Variants in DENND6A observed in about 807,000 individuals in gnomAD.
DENND6A encodes the protein DENN domain containing 6A.
Under a neutral mutation model 95.5 loss-of-function variants are expected in DENND6A, and 43 were observed. That is an observed-to-expected ratio of 0.45 (90% CI 0.35 to 0.58). The LOEUF is 0.58. Ranked by LOEUF, DENND6A falls within the 20% of genes least tolerant of loss-of-function variation. DENND6A has a pLI of 0.00. For synonymous variants in DENND6A, 257 were observed against 260.4 expected (o/e 0.99, Z 0.13); for missense variants, 574 against 736.0 (o/e 0.78, Z 2.55).
intron 1 of DENND6A, among the ~76,000 whole-genome samples, chr3:57,672,804 A>C (rs1358636971): frequency 6.6e-6 from 1 of 151,862 alleles, no homozygotes; most frequent in Non-Finnish European, 1.5e-5. Context: ...ACAAACAAAA[A>C]AATATATATA....
At chr3:57,636,711 TG>T (rs2070801161) in intron 12 of DENND6A, among the ~76,000 whole-genome samples, 1 of 151,556 alleles carries the variant, frequency 6.6e-6, no homozygotes, top group Non-Finnish European at 1.5e-5. Context: ...CTGAGGCGGG[TG>T]GATCACCTGA....
intron 15 of DENND6A, among the ~76,000 whole-genome samples, chr3:57,633,064 G>A (rs928309157): frequency 6.6e-6 from 1 of 152,202 alleles, no homozygotes; most frequent in African/African-American, 2.4e-5. Context: ...GGGTCAGAGA[G>A]AGGGAGTGAC....
chr3:57,661,920 CA>C (rs2071429844), intron 5 of DENND6A, among the ~76,000 whole-genome samples: 1 of 152,022 alleles, frequency 6.6e-6, no homozygotes, highest in Non-Finnish European at 1.5e-5. Flanking sequence ...GATACTTTTC[CA>C]AAAGACTTAT....
chr3:57,687,122 GC>G (rs1467944782), intron 1 of DENND6A, among the ~76,000 whole-genome samples: 4 of 152,060 alleles, frequency 2.6e-5, no homozygotes, highest in Admixed American at 2.6e-4. Flanking sequence ...GCCTCCCAAA[GC>G]GCTGAGAATA....
At chr3:57,644,723 G>A (rs1288130091) in intron 11 of DENND6A, among the ~76,000 whole-genome samples, 1 of 23,898 alleles carries the variant, frequency 4.2e-5, no homozygotes, top group Non-Finnish European at 7.6e-5. Flanking sequence ...GAGGAGGGGA[G>A]AGGAGGGGAA....
chr3:57,667,195 AT>A (rs2071537719), intron 3 of DENND6A, among the ~76,000 whole-genome samples: 1 of 148,726 alleles, frequency 6.7e-6, no homozygotes, highest in African/African-American at 2.5e-5. Flanking sequence ...CGCCTGGCCA[AT>A]TTTTTGTATT....
At chr3:57,659,986 C>T (rs2071392655) in intron 7 of DENND6A, among the ~76,000 whole-genome samples, 1 of 152,184 alleles carries the variant, frequency 6.6e-6, no homozygotes, top group Non-Finnish European at 1.5e-5. Context: ...ACATGTATTA[C>T]ATACAAATGA....
chr3:57,662,394 C>T (rs567717286), intron 5 of DENND6A, among the ~76,000 whole-genome samples: 2 of 151,268 alleles, frequency 1.3e-5, no homozygotes, highest in African/African-American at 2.4e-5. Flanking sequence ...GTAGAGATAG[C>T]GTTTTGCCAT....
chr3:57,668,689 A>G (rs1401771218), intron 3 of DENND6A, among the ~76,000 whole-genome samples: 1 of 152,190 alleles, frequency 6.6e-6, no homozygotes, highest in Admixed American at 6.5e-5. Flanking sequence ...TTCCAATCTC[A>G]AAAGCATTTT....
At chr3:57,641,826 T>C in intron 11 of DENND6A, 79 bp from the exon 12 acceptor site, 1 of 1,212,426 alleles carries the variant, frequency 8.2e-7, no homozygotes, top group Non-Finnish European at 1.2e-6. Context: ...AGTTTACTTT[T>C]TTTTTCAATG....
intron 14 of DENND6A, among the ~76,000 whole-genome samples, chr3:57,634,067 A>T (rs2153412305): frequency 6.6e-6 from 1 of 152,244 alleles, no homozygotes; most frequent in East Asian, 1.9e-4. Context: ...ACTCATGTGT[A>T]GCTACAGCCC....
rs926146235 is a variant in DENND6A, at chr3:57,641,051, T to C, written c.1132+602A>G. Among the ~76,000 whole-genome samples the C allele has an allele frequency of 2.0e-5, 3 of 151,266 alleles. No individual in the cohort carries two copies. The Admixed American group carries it at 2.0e-4, about 10-fold the overall frequency. On this transcript the variant is annotated intron_variant, in intron 12 of 19. Coordinates refer to ENST00000311128, the MANE Select transcript of DENND6A (RefSeq NM_152678.3). ...ACCTAGCTGTGTATTTTGTGATAAG[T>C]TGGGAATAATTCTAGTTTTCTATAA...
At chr3:57,662,185 CTTTTTTTTTTT>C (rs60063768) in intron 5 of DENND6A, among the ~76,000 whole-genome samples, 1 of 79,136 alleles carries the variant, frequency 1.3e-5, no homozygotes, top group African/African-American at 4.8e-5. Flanking sequence ...TTTCTTTTTT[CTTTTTTTTTTT>C]TTTTTTTTTT....
At chr3:57,658,307 T>C (rs2153415332) in intron 8 of DENND6A, among the ~76,000 whole-genome samples, 1 of 150,710 alleles carries the variant, frequency 6.6e-6, no homozygotes, top group African/African-American at 2.4e-5. Context: ...GGAAGGAGGA[T>C]CACTTGATGC....
At chr3:57,642,923 T>C (rs2070980446) in intron 11 of DENND6A, among the ~76,000 whole-genome samples, 1 of 151,540 alleles carries the variant, frequency 6.6e-6, no homozygotes, top group Non-Finnish European at 1.5e-5. Flanking sequence ...GGAGAATCAC[T>C]TGAACCCAGG....
At chr3:57,644,314 A>AT (rs971738230) in intron 11 of DENND6A, among the ~76,000 whole-genome samples, 3 of 151,642 alleles carry the variant, frequency 2.0e-5, no homozygotes, top group African/African-American at 7.3e-5. Flanking sequence ...TTACAAAAAA[A>AT]TTTTTTTTGA....
chr3:57,668,023 A>G (rs1377282627), intron 3 of DENND6A, among the ~76,000 whole-genome samples: 1 of 152,090 alleles, frequency 6.6e-6, no homozygotes, highest in Non-Finnish European at 1.5e-5. Flanking sequence ...CCGAGATCAC[A>G]CCACTACCTC....
Position 57,630,774 on chromosome 3 carries a change from A to C in DENND6A, c.1458T>G (p.Leu486=), listed in dbSNP as rs776253047. 3.1e-6 allele frequency: 5 copies of C among 1,613,964 alleles called. No homozygotes were observed. The East Asian group carries it at 1.1e-4, about 36-fold the overall frequency. ...AGGTTAGCTGAGGTCCTGTTTTCTC[A>C]AGTGTTTTCATAAATTCTTCTGGAA... ...QFLPEEFMKT[L]EKTGPQLTSR... The change falls in exon 17 of 20, where the codon CTT becomes CTG. Residue 486 remains leucine (L), a synonymous_variant. Coordinates refer to ENST00000311128, the MANE Select transcript of DENND6A (RefSeq NM_152678.3).
intron 8 of DENND6A, among the ~76,000 whole-genome samples, chr3:57,658,629 C>A (rs1407001928): frequency 2.0e-5 from 3 of 152,184 alleles, no homozygotes; most frequent in African/African-American, 7.2e-5. Flanking sequence ...TACTAGTTTT[C>A]CTACTGCTAT....
Sources: allele counts gnomAD v4.1 joint callset (sites outside exome capture counted in the v4.1 genomes callset), GRCh38; gene constraint gnomAD v4.1.1; transcripts MANE v1.5; gene names NCBI Gene and HGNC (gene_info 2026-07-23, HGNC 2026-07-21).